Variants in ORC5 observed in about 807,000 individuals in gnomAD.
The protein encoded by ORC5 is origin recognition complex subunit 5, also known as protein phosphatase 1, regulatory subunit 117.
Under a neutral mutation model 58.8 loss-of-function variants are expected in ORC5, and 39 were observed. The ratio of observed to expected loss-of-function variants is 0.66; its 90% CI spans 0.51 to 0.87. The LOEUF (loss-of-function observed/expected upper bound fraction) is 0.87. Ranked by LOEUF, ORC5 falls within the 40% of genes least tolerant of loss-of-function variation. ORC5 has a pLI of 0.00. For synonymous variants in ORC5, 218 were observed against 177.6 expected (o/e 1.23, Z -1.81); for missense variants, 493 against 506.3 (o/e 0.97, Z 0.25).
chr7:104,205,278 C>T (rs368559068), intron 1 of ORC5, among the ~76,000 whole-genome samples: 1 of 151,562 alleles, frequency 6.6e-6, no homozygotes, highest in Admixed American at 6.6e-5. Context: ...TTAGTTAAGA[C>T]GGAGTTTCAC....
intron 12 of ORC5, among the ~76,000 whole-genome samples, chr7:104,153,975 ATT>A (rs1562809373): frequency 6.6e-6 from 1 of 152,152 alleles, no homozygotes; most frequent in Non-Finnish European, 1.5e-5. Context: ...AGGTAAAGAA[ATT>A]TTATCATAAA....
At chr7:104,183,795 A>G (rs1799483931) in intron 8 of ORC5, 148 bp downstream of exon 8, 1 of 586,292 alleles carries the variant, frequency 1.7e-6, no homozygotes, top group Admixed American at 3.4e-5. Context: ...TGCAGAGTTT[A>G]CTACAGCATG....
rs746677575 is a variant in ORC5, at chr7:104,168,463, CCT to C, written c.877+8_877+9del. 5 of 1,607,954 alleles carry C rather than the reference CCT, an allele frequency of 3.1e-6. No homozygotes were observed. The South Asian group carries it at 5.6e-5, about 18-fold the overall frequency. On this transcript the variant is annotated splice_region_variant and intron_variant, in intron 9 of 13. Coordinates refer to ENST00000297431, the MANE Select transcript of ORC5 (RefSeq NM_002553.4). ...ATCTCCGGTAACTGTCTCAATACTT[CCT>C]CTGATACCTTTCAGTTGCCCCGGAT... is the stretch of plus-strand genomic sequence containing the variant.
chr7:104,171,617 TAC>T (rs1799212190), intron 8 of ORC5, among the ~76,000 whole-genome samples: 1 of 143,542 alleles, frequency 7.0e-6, no homozygotes, highest in African/African-American at 3.0e-5. Flanking sequence ...CTGAATCAAC[TAC>T]TTGTCTCTCC....
intron 8 of ORC5, among the ~76,000 whole-genome samples, chr7:104,177,344 TG>T (rs1482003256): frequency 6.6e-6 from 1 of 152,202 alleles, no homozygotes; most frequent in Non-Finnish European, 1.5e-5. Flanking sequence ...AGACTATATT[TG>T]GGACTATCAC....
At chr7:104,199,480 CAAAGGAGATCATTTTGGA>C (rs1799881457) in intron 3 of ORC5, among the ~76,000 whole-genome samples, 1 of 152,162 alleles carries the variant, frequency 6.6e-6, no homozygotes, top group Non-Finnish European at 1.5e-5. Context: ...GGCATGGAGT[CAAAGGAGATCATTTTGGA>C]ACTTTAAAGT....
At chr7:104,191,009 G>T (rs1235140684) in intron 5 of ORC5, among the ~76,000 whole-genome samples, 1 of 149,266 alleles carries the variant, frequency 6.7e-6, no homozygotes, top group African/African-American at 2.5e-5. Flanking sequence ...TTTAAACACA[G>T]AAGTTGACAA....
chr7:104,157,816 G>T (rs1798951829), intron 12 of ORC5, among the ~76,000 whole-genome samples: 1 of 152,062 alleles, frequency 6.6e-6, no homozygotes, highest in African/African-American at 2.4e-5. Flanking sequence ...TTACTATGAT[G>T]CTACTATTAC....
At chr7:104,144,609 T>C (rs1350100179) in intron 12 of ORC5, among the ~76,000 whole-genome samples, 2 of 152,036 alleles carry the variant, frequency 1.3e-5, no homozygotes, top group Admixed American at 1.3e-4. Context: ...TACAAAAAAT[T>C]AGCCGGTCGT....
intron 5 of ORC5, among the ~76,000 whole-genome samples, chr7:104,194,300 TA>T (rs1799747493): frequency 6.6e-6 from 1 of 152,096 alleles, no homozygotes; most frequent in Non-Finnish European, 1.5e-5. Context: ...AAAAATGTGT[TA>T]ATCTTAAGGT....
intron 12 of ORC5, among the ~76,000 whole-genome samples, chr7:104,146,749 T>C (rs1013558665): frequency 2.0e-5 from 3 of 152,156 alleles, no homozygotes; most frequent in Non-Finnish European, 4.4e-5. Context: ...AACAAAACTA[T>C]GCACAGGATA....
chr7:104,143,738 T>C (rs1177861411), intron 12 of ORC5, among the ~76,000 whole-genome samples: 2 of 152,110 alleles, frequency 1.3e-5, no homozygotes, highest in African/African-American at 4.8e-5. Context: ...TGAAAATCAC[T>C]GAAAAACTCA....
chr7:104,142,049 C>T (rs1798682419), intron 12 of ORC5, among the ~76,000 whole-genome samples: 1 of 152,064 alleles, frequency 6.6e-6, no homozygotes, highest in Non-Finnish European at 1.5e-5. Flanking sequence ...AACAGACACA[C>T]AGATCCACAG....
At chr7:104,194,114 T>A (rs1021390656) in intron 5 of ORC5, among the ~76,000 whole-genome samples, 3 of 150,816 alleles carry the variant, frequency 2.0e-5, no homozygotes, top group African/African-American at 7.3e-5. Flanking sequence ...TTTTTTTTTT[T>A]TAAATAAAAT....
intron 8 of ORC5, among the ~76,000 whole-genome samples, chr7:104,176,984 ATTG>A (rs1323234154): frequency 6.6e-6 from 1 of 152,208 alleles, no homozygotes; most frequent in Non-Finnish European, 1.5e-5. Flanking sequence ...CCAATTGAAT[ATTG>A]TTGGTTTAAT....
At chr7:104,202,463 G>A in intron 2 of ORC5, 1 of 450,150 alleles carries the variant, frequency 2.2e-6, no homozygotes. Flanking sequence ...CAACATCTCT[G>A]TTATGAATAG....
intron 12 of ORC5, among the ~76,000 whole-genome samples, chr7:104,142,651 A>G (rs933225490): frequency 1.3e-5 from 2 of 152,242 alleles, no homozygotes; most frequent in African/African-American, 2.4e-5. Context: ...TAAAGGTCAA[A>G]GACAAAATTG....
chr7:104,142,789 C>T (rs941852628), intron 12 of ORC5, among the ~76,000 whole-genome samples: 6 of 152,082 alleles, frequency 3.9e-5, no homozygotes, highest in Non-Finnish European at 7.4e-5. Flanking sequence ...GCCCTGAGCT[C>T]GTATCTCTTA....
intron 5 of ORC5, among the ~76,000 whole-genome samples, chr7:104,190,219 T>A (rs1584516739): frequency 6.6e-6 from 1 of 152,046 alleles, no homozygotes; most frequent in Non-Finnish European, 1.5e-5. Flanking sequence ...CTCAACAACC[T>A]TATTACCGGC....
Sources: gnomAD v4.1 joint callset for allele counts (sites outside exome capture counted in the v4.1 genomes callset) on GRCh38, gnomAD v4.1.1 for gene constraint, MANE v1.5 for transcripts, NCBI Gene and HGNC (gene_info 2026-07-23, HGNC 2026-07-21) for gene names.